GALNTL6: variants seen among roughly 807,000 people sequenced by gnomAD.
The protein encoded by GALNTL6 is polypeptide N-acetylgalactosaminyltransferase-like 6.
GALNTL6 carries 46 observed loss-of-function variants against 73.7 expected under a neutral mutation model. The observed-to-expected ratio is 0.62, with a 90% CI of 0.49 to 0.80. The LOEUF (loss-of-function observed/expected upper bound fraction) is 0.80. GALNTL6 is among the 30% of genes least tolerant of loss of function. The pLI is 0.00. For synonymous variants in GALNTL6, 259 were observed against 263.7 expected (o/e 0.98, Z 0.17); for missense variants, 604 against 755.0 (o/e 0.80, Z 2.34).
At chr4:171,832,523 T>C (rs914031339) in intron 2 of GALNTL6, among the ~76,000 whole-genome samples, 1 of 151,562 alleles carries the variant, frequency 6.6e-6, no homozygotes, top group Non-Finnish European at 1.5e-5. Flanking sequence ...AATATTTCTA[T>C]ATCTACTTAT....
Position 172,691,632 on chromosome 4 carries a change from C to A in GALNTL6, c.554-117729C>A, listed in dbSNP as rs149857243. Among the ~76,000 whole-genome samples, 262 of 152,266 alleles carry A rather than the reference C, an allele frequency of 1.7e-3. 1 individual carries two copies. Among genetic ancestry groups the A allele is most frequent in the African/African-American group, 6.1e-3 (255 of 41,566 alleles). ...GGCCCACAGAGATGGTCAGGCAAGGCAGATGACTCTGCCCCTAGGCTTGAC... is the reference window on the plus strand; with the variant it reads ...GGCCCACAGAGATGGTCAGGCAAGGAAGATGACTCTGCCCCTAGGCTTGAC... On this transcript the variant is annotated intron_variant, in intron 5 of 12. Transcript: ENST00000506823.
intron 8 of GALNTL6, among the ~76,000 whole-genome samples, chr4:172,888,383 C>T (rs1427821273): frequency 1.3e-5 from 2 of 152,150 alleles, no homozygotes; most frequent in African/African-American, 4.8e-5. Context: ...AAGTAGGAGT[C>T]CAGTTTCATT....
intron 3 of GALNTL6, among the ~76,000 whole-genome samples, chr4:172,232,389 A>G (rs1408016915): frequency 1.3e-5 from 2 of 151,572 alleles, no homozygotes; most frequent in Admixed American, 6.6e-5. Flanking sequence ...TATCTAGGTC[A>G]ATGTGTGAAA....
intron 9 of GALNTL6, 116 bp from the exon 10 acceptor site, chr4:172,951,921 G>A: frequency 1.4e-6 from 1 of 727,096 alleles, no homozygotes; most frequent in Non-Finnish European, 2.3e-6. Context: ...CACCAACCAG[G>A]GCTGCCTGAG....
At chr4:172,746,834 T>C (rs572285629) in intron 5 of GALNTL6, among the ~76,000 whole-genome samples, 147 of 152,126 alleles carry the variant, frequency 9.7e-4, no homozygotes, top group Middle Eastern at 3.4e-3. Flanking sequence ...CATAGTACTA[T>C]AAATTATAAC....
intron 2 of GALNTL6, among the ~76,000 whole-genome samples, chr4:172,086,830 ATTTACTT>A (rs1357909038): frequency 6.6e-6 from 1 of 152,134 alleles, no homozygotes; most frequent in East Asian, 1.9e-4. Context: ...TCCCTTTCCT[ATTTACTT>A]AACAAAATTT....
At chr4:172,632,362 A>C (rs929856373) in intron 5 of GALNTL6, among the ~76,000 whole-genome samples, 2 of 152,158 alleles carry the variant, frequency 1.3e-5, no homozygotes, top group Admixed American at 6.5e-5. Flanking sequence ...CTTTGACCAA[A>C]ATGCTGATAG....
intron 2 of GALNTL6, among the ~76,000 whole-genome samples, chr4:171,912,153 A>C (rs1389605814): frequency 2.0e-5 from 3 of 152,168 alleles, no homozygotes; most frequent in Admixed American, 6.5e-5. Flanking sequence ...ATTAAAGAAA[A>C]TAATCAATGA....
At chr4:171,871,637 G>A (rs1186540140) in intron 2 of GALNTL6, among the ~76,000 whole-genome samples, 1 of 152,036 alleles carries the variant, frequency 6.6e-6, no homozygotes, top group Non-Finnish European at 1.5e-5. Flanking sequence ...ATGTAAGAAA[G>A]CAATGGCTCT....
chr4:171,994,727 G>GAA (rs11438346), intron 2 of GALNTL6, among the ~76,000 whole-genome samples: 4 of 149,844 alleles, frequency 2.7e-5, no homozygotes, highest in East Asian at 2.0e-4. Flanking sequence ...TACAAAATAT[G>GAA]AAAAAAAAAG....
chr4:171,936,618 C>T (rs1436692607), intron 2 of GALNTL6, among the ~76,000 whole-genome samples: 1 of 152,044 alleles, frequency 6.6e-6, no homozygotes, highest in Non-Finnish European at 1.5e-5. Context: ...TACCATTCTT[C>T]CCATAAAAGG....
intron 2 of GALNTL6, among the ~76,000 whole-genome samples, chr4:171,891,927 C>G (rs1578946212): frequency 1.3e-5 from 2 of 152,290 alleles, no homozygotes; most frequent in South Asian, 4.1e-4. Context: ...AACGCTATTA[C>G]AGGTTGAGCA....
At chr4:171,928,751 A>G (rs1264976378) in intron 2 of GALNTL6, among the ~76,000 whole-genome samples, 3 of 152,222 alleles carry the variant, frequency 2.0e-5, no homozygotes, top group Non-Finnish European at 4.4e-5. Flanking sequence ...CCAGTTGCCT[A>G]CAGTATTGAG....
At chr4:172,590,016 G>C (rs1468060672) in intron 5 of GALNTL6, among the ~76,000 whole-genome samples, 1 of 152,148 alleles carries the variant, frequency 6.6e-6, no homozygotes, top group Non-Finnish European at 1.5e-5. Context: ...GGGACTCAGA[G>C]GCCCATGGTA....
At chr4:172,291,230 A>C (rs962244975) in intron 3 of GALNTL6, among the ~76,000 whole-genome samples, 5 of 152,088 alleles carry the variant, frequency 3.3e-5, no homozygotes, top group African/African-American at 1.2e-4. Context: ...ATTTTTATAT[A>C]GTTTTATTGT....
At chr4:172,526,905 TTG>T (rs768457662) in intron 5 of GALNTL6, among the ~76,000 whole-genome samples, 141 of 151,882 alleles carry the variant, frequency 9.3e-4, no homozygotes, top group East Asian at 5.8e-4. Context: ...GGAGTGACAT[TTG>T]GCTTCGCTTT....
intron 2 of GALNTL6, among the ~76,000 whole-genome samples, chr4:171,986,943 T>A (rs1245141003): frequency 1.3e-5 from 2 of 152,188 alleles, no homozygotes; most frequent in Non-Finnish European, 2.9e-5. Context: ...AGAAACAGTG[T>A]AAACCGGCAG....
chr4:172,264,593 T>G (rs1579313268), intron 3 of GALNTL6, among the ~76,000 whole-genome samples: 1 of 102,790 alleles, frequency 9.7e-6, no homozygotes. Flanking sequence ...TATATATATA[T>G]TTGGCATATA....
intron 5 of GALNTL6, among the ~76,000 whole-genome samples, chr4:172,493,752 A>G (rs565005958): frequency 7.1e-4 from 108 of 152,298 alleles, no homozygotes; most frequent in African/African-American, 2.5e-3. Flanking sequence ...GCTTCATGGA[A>G]GTATTGCCAG....
Sources: gnomAD v4.1 joint callset for allele counts (sites outside exome capture counted in the v4.1 genomes callset) on GRCh38, gnomAD v4.1.1 for gene constraint, MANE v1.5 for transcripts, NCBI Gene and HGNC (gene_info 2026-07-23, HGNC 2026-07-21) for gene names.